The following SAMMSON variants were observed in gnomAD, a reference collection of about 807,000 sequenced individuals.
SAMMSON encodes the protein long intergenic non-protein coding RNA 1212.
intron 4 of SAMMSON, among the ~76,000 whole-genome samples, chr3:70,130,799 T>A (rs2106673845): frequency 6.6e-6 from 1 of 152,238 alleles, no homozygotes; most frequent in East Asian, 1.9e-4. Context: ...AAGACCTCAA[T>A]CTTCAAGGAC....
chr3:70,184,223 A>C (rs538218637), intron 4 of SAMMSON: 3 of 152,216 alleles, frequency 2.0e-5, no homozygotes, highest in Non-Finnish European at 4.4e-5. Context: ...CAGATTAATA[A>C]ACAGGGTTAC....
At chr3:70,141,352 C>T (rs1291245968) in intron 4 of SAMMSON, among the ~76,000 whole-genome samples, 1 of 152,154 alleles carries the variant, frequency 6.6e-6, no homozygotes, top group Non-Finnish European at 1.5e-5. Flanking sequence ...AGTACCAATG[C>T]CCAAGGGCAG....
At chr3:70,382,267 T>G (rs958795468) in intron 9 of SAMMSON, among the ~76,000 whole-genome samples, 3 of 152,168 alleles carry the variant, frequency 2.0e-5, no homozygotes, top group African/African-American at 7.2e-5. Flanking sequence ...TCTCTCTTTC[T>G]CTTTGGCGTG....
intron 4 of SAMMSON, among the ~76,000 whole-genome samples, chr3:70,189,231 A>G (rs1223328233): frequency 6.6e-6 from 1 of 152,104 alleles, no homozygotes; most frequent in Admixed American, 6.5e-5. Context: ...TTTTTTGCAT[A>G]GATGGTATTA....
intron 7 of SAMMSON, among the ~76,000 whole-genome samples, chr3:70,349,747 G>A (rs1182430745): frequency 6.6e-6 from 1 of 152,126 alleles, no homozygotes; most frequent in East Asian, 1.9e-4. Context: ...GGCAGGGGTA[G>A]GTACAGTACT....
chr3:70,108,441 T>TTTTTTTTTTTTTTTTTTTTTA (rs1553715435), intron 4 of SAMMSON, among the ~76,000 whole-genome samples: 3 of 146,408 alleles, frequency 2.0e-5, no homozygotes, highest in African/African-American at 7.8e-5. Context: ...TTTTTTTTTT[T>TTTTTTTTTTTTTTTTTTTTTA]ATCATAACTC....
chr3:70,339,462 A>G (rs567258950), intron 7 of SAMMSON, among the ~76,000 whole-genome samples: 18 of 152,326 alleles, frequency 1.2e-4, no homozygotes, highest in South Asian at 4.1e-4. Context: ...CAGAGTCAAC[A>G]TGCAACCTAC....
intron 3 of SAMMSON, among the ~76,000 whole-genome samples, chr3:70,066,697 G>A (rs979779547): frequency 4.6e-5 from 7 of 152,026 alleles, no homozygotes; most frequent in Non-Finnish European, 7.4e-5. Context: ...AGAATGATTT[G>A]ATTTCCACTT....
chr3:70,187,595 G>A (rs374925496), intron 4 of SAMMSON, among the ~76,000 whole-genome samples: 1,744 of 151,644 alleles, frequency 0.012, 16 homozygotes, highest in Middle Eastern at 0.041. Context: ...ACGCCACCAT[G>A]CCCGGCTAAT....
rs372455123 is a variant in SAMMSON at position 70,287,640 on chromosome 3, T to C, written n.675-3539T>C. 2.8e-3 allele frequency among the ~76,000 whole-genome samples: 420 copies of C among 152,136 alleles called. 3 individuals carry two copies. Among genetic ancestry groups the C allele is most frequent in the African/African-American group, 9.3e-3 (384 of 41,482 alleles). ...ATAGTTTCAGAAGGAATGGTACCAG[T>C]TCCTCCTTGTACCTCTGGTAGAATT... On this transcript the variant is annotated intron_variant and non_coding_transcript_variant, in intron 6 of 9. Transcript: ENST00000642114.
At chr3:70,206,900 A>C in intron 4 of SAMMSON, 1 of 395,238 alleles carries the variant, frequency 2.5e-6, no homozygotes, top group Non-Finnish European at 4.5e-6. Context: ...TTAAAGTCTT[A>C]AGAAAACAAA....
intron 2 of SAMMSON, among the ~76,000 whole-genome samples, chr3:70,415,749 T>C (rs1285309840): frequency 6.6e-6 from 1 of 152,218 alleles, no homozygotes; most frequent in Non-Finnish European, 1.5e-5. Context: ...AAGAGTAACA[T>C]TAGAATACTC....
intron 7 of SAMMSON, chr3:70,311,978 G>C: frequency 5.0e-6 from 2 of 397,696 alleles, no homozygotes; most frequent in Non-Finnish European, 8.9e-6. Context: ...TGACATCTAA[G>C]TGGAAACAGA....
At chr3:70,290,475 G>C (rs1702224259) in intron 6 of SAMMSON, among the ~76,000 whole-genome samples, 1 of 152,204 alleles carries the variant, frequency 6.6e-6, no homozygotes, top group Admixed American at 6.5e-5. Flanking sequence ...CTGTCAGACA[G>C]GGACATTTAA....
At chr3:70,120,146 A>G (rs2067427003) in intron 4 of SAMMSON, 1 of 152,202 alleles carries the variant, frequency 6.6e-6, no homozygotes, top group Non-Finnish European at 1.5e-5. Context: ...TCAAAAGTGT[A>G]TCTGTGTACA....
chr3:70,175,478 C>T (rs1701002418), intron 4 of SAMMSON, among the ~76,000 whole-genome samples: 1 of 152,184 alleles, frequency 6.6e-6, no homozygotes, highest in African/African-American at 2.4e-5. Context: ...ATAGGATTCA[C>T]ATTAGGGCTC....
intron 3 of SAMMSON, among the ~76,000 whole-genome samples, chr3:70,045,308 C>T (rs998673291): frequency 5.4e-5 from 8 of 149,388 alleles, no homozygotes; most frequent in African/African-American, 2.0e-4. Flanking sequence ...GACATTTTTG[C>T]AGGCAAAGAA....
chr3:70,213,950 A>G (rs1328841398), intron 4 of SAMMSON, among the ~76,000 whole-genome samples: 1 of 152,120 alleles, frequency 6.6e-6, no homozygotes, highest in Non-Finnish European at 1.5e-5. Context: ...AAAGCATAAT[A>G]AAAGGTGATT....
chr3:70,199,868 G>A (rs2106719024), intron 4 of SAMMSON, among the ~76,000 whole-genome samples: 1 of 152,122 alleles, frequency 6.6e-6, no homozygotes, highest in Middle Eastern at 3.4e-3. Flanking sequence ...ATATGCTATT[G>A]CCTGCTGCAC....
Sources: gnomAD v4.1 joint callset for allele counts (sites outside exome capture counted in the v4.1 genomes callset) on GRCh38, gnomAD v4.1.1 for gene constraint, MANE v1.5 for transcripts, NCBI Gene and HGNC (gene_info 2026-07-23, HGNC 2026-07-21) for gene names.